Variants in PIEZO2 observed in about 807,000 individuals in gnomAD.
PIEZO2 encodes piezo-type mechanosensitive ion channel component 2.
Under a neutral mutation model 337.3 loss-of-function variants are expected in PIEZO2, and 172 were observed. The ratio of observed to expected loss-of-function variants is 0.51; its 90% CI spans 0.45 to 0.58. The LOEUF (loss-of-function observed/expected upper bound fraction) is 0.58. Ranked by LOEUF, PIEZO2 falls within the 20% of genes least tolerant of loss-of-function variation. The pLI, the probability that PIEZO2 is intolerant of heterozygous loss-of-function variation, is 0.00. For synonymous variants in PIEZO2, 1,251 were observed against 1,228.5 expected (o/e 1.02, Z -0.38); for missense variants, 3,028 against 3,391.3 (o/e 0.89, Z 2.66).
chr18:10,789,582 T>C (rs562826419), intron 14 of PIEZO2, among the ~76,000 whole-genome samples: 4 of 152,318 alleles, frequency 2.6e-5, no homozygotes, highest in African/African-American at 9.6e-5. Context: ...AGAAAATAAA[T>C]TTGGTAACAC....
chr18:11,002,635 C>T lies in PIEZO2; in HGVS notation c.161-22975G>A, dbSNP rs1334213013. The stretch of plus-strand genomic sequence containing the variant: ...CAGAGCTCAATTTGTAAAGATATGC[C>T]TAATATTCTTAATATTATGAGACAG... On this transcript the variant is annotated intron_variant, in intron 2 of 55. Transcript: ENST00000674853. This position sits in a 1 kb window ranked among gnomAD's most constrained non-coding sequence, Gnocchi z 4.3. Among the ~76,000 whole-genome samples, 2 of 152,158 alleles carry T rather than the reference C, an allele frequency of 1.3e-5. No individual in the cohort carries two copies. Among genetic ancestry groups the T allele is most frequent in the Non-Finnish European group, 2.9e-5 (2 of 68,022 alleles).
rs574115215 is a variant in PIEZO2, at chr18:10,836,592, T to C, written c.917+18761A>G. On this transcript the variant is annotated intron_variant, in intron 7 of 55. Coordinates refer to ENST00000674853, the MANE Select transcript of PIEZO2 (RefSeq NM_001378183.1). The stretch of plus-strand genomic sequence containing the variant: ...TAGGTTAAGGTAATGAGGTATATGA[T>C]GTCAAACATATAAAGTCACACCATA... Among the ~76,000 whole-genome samples, 17 of 152,354 alleles carry C rather than the reference T, an allele frequency of 1.1e-4. No homozygotes were observed. In the East Asian group the frequency reaches 3.3e-3, roughly 29 times the overall value.
chr18:10,705,410 G>A lies in PIEZO2; in HGVS notation c.5925C>T (p.Arg1975=), dbSNP rs904201543. ...AGATGCTGGACCCCAGCTTGTCGGTGCGGCTGTCGTCCGGGCTGACTGCCA... is the reference window on the plus strand; with the variant it reads ...AGATGCTGGACCCCAGCTTGTCGGTACGGCTGTCGTCCGGGCTGACTGCCA... ...NRMAVSPDDS[R]TDKLGSSILP... The change falls in exon 41 of 56, where the codon CGC becomes CGT. Residue 1975 remains arginine (R), a synonymous_variant. Transcript: ENST00000674853. 3 of 1,537,144 alleles carry A rather than the reference G, an allele frequency of 2.0e-6. No individual in the cohort carries two copies. The highest frequency in any genetic ancestry group is 3.9e-5 in the Admixed American group (2 of 50,982).
At chr18:10,843,085 A>C (rs540098193) in intron 7 of PIEZO2, among the ~76,000 whole-genome samples, 1 of 152,342 alleles carries the variant, frequency 6.6e-6, no homozygotes, top group East Asian at 1.9e-4. Context: ...ATATCTTGGT[A>C]TATTTATTCT....
chr18:10,859,814 C>T lies in PIEZO2; in HGVS notation c.493-2603G>A, dbSNP rs2041825367. ...TTGCTTTGCCACATAACTCTAGTTG[C>T]TCCTGGGGCGGAGCAGAGGGAGGCA... On this transcript the variant is annotated intron_variant, in intron 5 of 55. Coordinates refer to ENST00000674853, the MANE Select transcript of PIEZO2 (RefSeq NM_001378183.1). This position sits in a 1 kb window ranked among gnomAD's most constrained non-coding sequence, Gnocchi z 4.9. Among the ~76,000 whole-genome samples, 1 of 152,168 alleles carries T rather than the reference C, an allele frequency of 6.6e-6. No individual in the cohort carries two copies. Among genetic ancestry groups the T allele is most frequent in the African/African-American group, 2.4e-5 (1 of 41,438 alleles).
rs1203324849 is a variant in PIEZO2 at position 10,977,319 on chromosome 18, T to A, written c.286+2216A>T. Among the ~76,000 whole-genome samples, 5 of 150,948 alleles carry A rather than the reference T, an allele frequency of 3.3e-5. No individual in the cohort carries two copies. The East Asian group carries it at 9.7e-4, about 29-fold the overall frequency. On this transcript the variant is annotated intron_variant, in intron 3 of 55. Transcript: ENST00000674853. ...TAAGTTACATATATATATATATATA[T>A]AAACTCAAAATTTAAAAATCTGATA...
At chr18:10,928,876 A>G (rs1568209043) in intron 3 of PIEZO2, among the ~76,000 whole-genome samples, 1 of 152,252 alleles carries the variant, frequency 6.6e-6, no homozygotes, top group Non-Finnish European at 1.5e-5. Flanking sequence ...TGAAAGGTGC[A>G]GAGTAATGCA....
intron 1 of PIEZO2, among the ~76,000 whole-genome samples, chr18:11,076,046 A>G (rs1355780355): frequency 6.6e-6 from 1 of 152,128 alleles, no homozygotes; most frequent in Admixed American, 6.5e-5. Context: ...TCGGCCTCCC[A>G]AAGTGCTGGG....
chr18:10,894,992 G>T lies in PIEZO2; in HGVS notation c.329+16194C>A, dbSNP rs1286991554. On this transcript the variant is annotated intron_variant, in intron 4 of 55. Transcript: ENST00000674853. This position sits in a 1 kb window ranked among gnomAD's most constrained non-coding sequence, Gnocchi z 4.1. The stretch of plus-strand genomic sequence containing the variant: ...CCCACAATCCCTCCCTCTCTTTCCT[G>T]AGATGAGAGTCTGTAATGAAGAATT... 6.6e-6 allele frequency among the ~76,000 whole-genome samples: 1 copy of T among 152,214 alleles called. No homozygotes were observed. The highest frequency in any genetic ancestry group is 1.5e-5 in the Non-Finnish European group (1 of 68,040).
chr18:10,945,402 A>C lies in PIEZO2; in HGVS notation c.286+34133T>G, dbSNP rs8095239. Among the ~76,000 whole-genome samples, 21,191 of 152,170 alleles carry C rather than the reference A, an allele frequency of 0.14. 2,483 individuals are homozygous for C. Among genetic ancestry groups the C allele is most frequent in the African/African-American group, 0.31 (13,045 of 41,470 alleles). On this transcript the variant is annotated intron_variant, in intron 3 of 55. Transcript: ENST00000674853. The surrounding 1 kb of genome is among the most constrained non-coding windows in gnomAD (Gnocchi z 4.0). Reference sequence around the variant, plus strand: ...AGAGAACAGTGCCCACCTTTCTCACAGAGGAATACTGTCTACATTGAGTAG... The same window carrying C: ...AGAGAACAGTGCCCACCTTTCTCACCGAGGAATACTGTCTACATTGAGTAG...
In PIEZO2 at chr18:10,696,247, C is replaced by T; in HGVS notation, c.7017G>A (p.Glu2339=). 2 of 1,614,234 alleles carry T rather than the reference C, an allele frequency of 1.2e-6. No individual in the cohort carries two copies. Among genetic ancestry groups the T allele is most frequent in the Non-Finnish European group, 1.7e-6 (2 of 1,180,044 alleles). The change falls in exon 47 of 56, where the codon GAG becomes GAA. Residue 2339 remains glutamate, a synonymous_variant. Coordinates refer to ENST00000674853, the MANE Select transcript of PIEZO2 (RefSeq NM_001378183.1). ...AAADITSSLS[E]DQVPGPFLVM... ...CCAAAAACGGCCCCGGGACCTGGTC[C>T]TCTGACAGTGAAGAGGTGATGTCTG...
intron 2 of PIEZO2, among the ~76,000 whole-genome samples, chr18:11,017,039 C>A (rs2036140037): frequency 6.6e-6 from 1 of 152,128 alleles, no homozygotes; most frequent in Non-Finnish European, 1.5e-5. Context: ...CTGGAGAAAA[C>A]CCTCATAAGA....
At chr18:10,704,334 G>T (rs1422604698) in intron 42 of PIEZO2, 60 bp downstream of exon 42, 2 of 1,514,442 alleles carry the variant, frequency 1.3e-6, no homozygotes, top group Non-Finnish European at 1.8e-6. Context: ...GGGACACAAG[G>T]TATGCTTCCC....
At chr18:10,889,074 ATTCTTGGTAAAAAG>A (rs2042685728) in intron 4 of PIEZO2, among the ~76,000 whole-genome samples, 1 of 152,230 alleles carries the variant, frequency 6.6e-6, no homozygotes, top group Non-Finnish European at 1.5e-5. Context: ...CAGTTTATTG[ATTCTTGGTAAAAAG>A]AGGCTGAAAG....
intron 9 of PIEZO2, among the ~76,000 whole-genome samples, chr18:10,802,330 C>A (rs1379356361): frequency 6.6e-6 from 1 of 152,000 alleles, no homozygotes; most frequent in Admixed American, 6.5e-5. Context: ...CACTGAGGGT[C>A]CCAAAGAGAC....
At chr18:10,873,401 C>T (rs147355030) in intron 4 of PIEZO2, among the ~76,000 whole-genome samples, 218 of 152,292 alleles carry the variant, frequency 1.4e-3, no homozygotes, top group Middle Eastern at 6.8e-3. Flanking sequence ...ATTCTCCCTA[C>T]GTTCACTTTT....
rs2035648567 is a variant in PIEZO2, at chr18:10,707,838, T to C, written c.5588+437A>G. 6.6e-6 allele frequency among the ~76,000 whole-genome samples: 1 copy of C among 152,188 alleles called. No homozygotes were observed. The highest frequency in any genetic ancestry group is 2.1e-4 in the South Asian group (1 of 4,826). ...AATATTCACTAAAAATGACTACCTATGATAGATTTTTAGATTTTTTTCCTA... is the reference window on the plus strand; with the variant it reads ...AATATTCACTAAAAATGACTACCTACGATAGATTTTTAGATTTTTTTCCTA... On this transcript the variant is annotated intron_variant, in intron 40 of 55. Coordinates refer to ENST00000674853, the MANE Select transcript of PIEZO2 (RefSeq NM_001378183.1). The surrounding 1 kb of genome is among the most constrained non-coding windows in gnomAD (Gnocchi z 4.2).
At chr18:11,114,431 C>G (rs531376398) in intron 1 of PIEZO2, among the ~76,000 whole-genome samples, 1 of 152,098 alleles carries the variant, frequency 6.6e-6, no homozygotes, top group African/African-American at 2.4e-5. Flanking sequence ...TTTGGGAGGC[C>G]GAGGCAGGAG....
Position 10,878,861 on chromosome 18 carries a change from G to A in PIEZO2, c.330-7446C>T, listed in dbSNP as rs2042336553. 6.6e-6 allele frequency among the ~76,000 whole-genome samples: 1 copy of A among 152,076 alleles called. No individual in the cohort carries two copies. The highest frequency in any genetic ancestry group is 2.4e-5 in the African/African-American group (1 of 41,394). Reference sequence around the variant, plus strand: ...CAAACATGATCCCCAAGGAAATGAAGGCCACAGGAGAAACAGTGACGTGGC... The same window carrying A: ...CAAACATGATCCCCAAGGAAATGAAAGCCACAGGAGAAACAGTGACGTGGC... On this transcript the variant is annotated intron_variant, in intron 4 of 55. Coordinates refer to ENST00000674853, the MANE Select transcript of PIEZO2 (RefSeq NM_001378183.1). This position sits in a 1 kb window ranked among gnomAD's most constrained non-coding sequence, Gnocchi z 4.3.
Sources: gnomAD v4.1 joint callset for allele counts (sites outside exome capture counted in the v4.1 genomes callset) on GRCh38, gnomAD v4.1.1 for gene constraint, Gnocchi (gnomAD v3.1) non-coding constraint, MANE v1.5 for transcripts, NCBI Gene and HGNC (gene_info 2026-07-23, HGNC 2026-07-21) for gene names.